Variants in RAD51B observed in about 807,000 individuals in gnomAD.
RAD51B encodes RAD51 paralog B.
In RAD51B, 38 loss-of-function variants were observed where a neutral mutation model predicts 42.2. The ratio of observed to expected loss-of-function variants is 0.90; its 90% CI spans 0.70 to 1.18. The LOEUF (loss-of-function observed/expected upper bound fraction) is 1.18, where lower values mean the gene tolerates loss of function less well. RAD51B is among the 50% of genes most tolerant of loss of function. The probability of loss-of-function intolerance (pLI) is 0.00; values close to 1 mark genes in which losing one functional copy is unlikely to be tolerated. For missense variants in RAD51B, 373 were observed against 400.7 expected (o/e 0.93, Z 0.59); for synonymous variants, 154 against 145.2 (o/e 1.06, Z -0.43).
chr14:68,229,128 ATC>A (rs1024602521), intron 7 of RAD51B, among the ~76,000 whole-genome samples: 2 of 152,234 alleles, frequency 1.3e-5, no homozygotes, highest in Non-Finnish European at 2.9e-5. Flanking sequence ...CTAGCTTCAT[ATC>A]TATGAAAATT....
intron 10 of RAD51B, among the ~76,000 whole-genome samples, chr14:68,629,512 G>T (rs1223527881): frequency 1.3e-5 from 2 of 152,190 alleles, no homozygotes; most frequent in African/African-American, 4.8e-5. Flanking sequence ...TCTTAAAAAG[G>T]AGGTGTTCAT....
intron 7 of RAD51B, among the ~76,000 whole-genome samples, chr14:68,210,311 A>C (rs550040421): frequency 1.2e-3 from 183 of 152,318 alleles, no homozygotes; most frequent in African/African-American, 4.2e-3. Flanking sequence ...CCAGGTAACA[A>C]GGGATTTATT....
intron 9 of RAD51B, among the ~76,000 whole-genome samples, chr14:68,423,140 C>T (rs2084751084): frequency 2.0e-5 from 3 of 152,174 alleles, no homozygotes. Flanking sequence ...TCCCACTGCC[C>T]ATTTTCTGAA....
At chr14:67,839,563 C>T (rs1377718543) in intron 4 of RAD51B, among the ~76,000 whole-genome samples, 1 of 151,574 alleles carries the variant, frequency 6.6e-6, no homozygotes, top group African/African-American at 2.4e-5. Context: ...TTATTTCTCC[C>T]TCTCTTTTAA....
chr14:68,550,380 G>A (rs758044256), intron 10 of RAD51B, among the ~76,000 whole-genome samples: 5 of 152,210 alleles, frequency 3.3e-5, no homozygotes, highest in African/African-American at 9.6e-5. Context: ...GCATTGCAGC[G>A]AAACGTCATT....
At chr14:68,100,532 T>G (rs559698109) in intron 7 of RAD51B, among the ~76,000 whole-genome samples, 1 of 152,202 alleles carries the variant, frequency 6.6e-6, no homozygotes, top group African/African-American at 2.4e-5. Flanking sequence ...TACGGCCTGG[T>G]CTAGTGTGCA....
intron 10 of RAD51B, among the ~76,000 whole-genome samples, chr14:68,568,502 T>C (rs969141984): frequency 2.0e-5 from 3 of 152,342 alleles, no homozygotes; most frequent in Admixed American, 1.3e-4. Flanking sequence ...CTGCACTTAC[T>C]GCTTCTGGAA....
At chr14:68,640,724 T>C (rs1319089512) in intron 10 of RAD51B, among the ~76,000 whole-genome samples, 1 of 152,210 alleles carries the variant, frequency 6.6e-6, no homozygotes, top group Non-Finnish European at 1.5e-5. Context: ...GGCTGAAGTA[T>C]TCCACAACTA....
At chr14:68,001,221 A>G (rs888574857) in intron 7 of RAD51B, among the ~76,000 whole-genome samples, 1 of 152,112 alleles carries the variant, frequency 6.6e-6, no homozygotes, top group Non-Finnish European at 1.5e-5. Flanking sequence ...AAACTATCGT[A>G]TATTTTCTAT....
In RAD51B at chr14:68,027,286, C is replaced by T. The variant is rs1328707799; in HGVS notation, c.756+140082C>T. On this transcript the variant is annotated intron_variant, in intron 7 of 10. Transcript: ENST00000471583. ...CTGCCTTTACAATTTTTGTCTTTTA[C>T]ATTGACTTTGGTGAATCTGATGTCT... 2.6e-5 allele frequency among the ~76,000 whole-genome samples: 4 copies of T among 152,044 alleles called. No individual in the cohort carries two copies. In the East Asian group the frequency reaches 7.7e-4, roughly 29 times the overall value.
In RAD51B at chr14:68,333,460, C is replaced by T. The variant is rs73272300; in HGVS notation, c.853+41480C>T. ...CTAATGGAAGACGAAACTGGTAAAG[C>T]CACTTTGAAGAACTATCTGGCAGCC... On this transcript the variant is annotated intron_variant, in intron 8 of 10. Transcript: ENST00000471583. Among the ~76,000 whole-genome samples, 1,230 of 152,282 alleles carry T rather than the reference C, an allele frequency of 8.1e-3. 13 individuals are homozygous for T. Among genetic ancestry groups the T allele is most frequent in the African/African-American group, 0.029 (1,193 of 41,546 alleles).
At chr14:68,409,151 T>C (rs1048417900) in intron 8 of RAD51B, among the ~76,000 whole-genome samples, 2 of 152,170 alleles carry the variant, frequency 1.3e-5, no homozygotes, top group Admixed American at 6.5e-5. Flanking sequence ...ACACTTGAAA[T>C]TGGAGGAGGT....
chr14:67,893,521 A>ACAG (rs1168803741), intron 7 of RAD51B, among the ~76,000 whole-genome samples: 1 of 144,298 alleles, frequency 6.9e-6, no homozygotes, highest in Admixed American at 6.9e-5. Context: ...AAAAAAAACA[A>ACAG]TTAGCTGGGT....
chr14:68,233,315 C>T (rs2080183088), intron 7 of RAD51B, among the ~76,000 whole-genome samples: 1 of 152,156 alleles, frequency 6.6e-6, no homozygotes, highest in African/African-American at 2.4e-5. Flanking sequence ...ATTCACAGGA[C>T]TGAAATGTCA....
At chr14:67,963,808 C>T (rs1199903687) in intron 7 of RAD51B, among the ~76,000 whole-genome samples, 3 of 151,904 alleles carry the variant, frequency 2.0e-5, no homozygotes, top group African/African-American at 7.3e-5. Flanking sequence ...CATTTTACCA[C>T]CAAAAATTAG....
chr14:68,315,744 C>T lies in RAD51B; in HGVS notation c.853+23764C>T, dbSNP rs146594807. Among the ~76,000 whole-genome samples the T allele has an allele frequency of 5.3e-5, 8 of 152,168 alleles. No homozygotes were observed. In the East Asian group the frequency reaches 1.5e-3, roughly 29 times the overall value. On this transcript the variant is annotated intron_variant, in intron 8 of 10. Coordinates refer to ENST00000471583, the MANE Select transcript of RAD51B (RefSeq NM_133510.4). Reference sequence around the variant, plus strand: ...TCACCATGTTAGCCAGGATAGTCTCCATCTCCTGACCTCATGATCTGCCCG... The same window carrying T: ...TCACCATGTTAGCCAGGATAGTCTCTATCTCCTGACCTCATGATCTGCCCG...
rs533648377 is a variant in RAD51B, at chr14:67,980,821, A to G, written c.756+93617A>G. 3.0e-4 allele frequency among the ~76,000 whole-genome samples: 45 copies of G among 152,302 alleles called. No homozygotes were observed. The South Asian group carries it at 7.7e-3, about 26-fold the overall frequency. ...GGGAGAAAGTCTTTGTTATCTTGAG[A>G]TAGGAAAAGATTTCTTCTATATGCC... On this transcript the variant is annotated intron_variant, in intron 7 of 10. Transcript: ENST00000471583.
At chr14:68,064,491 C>T (rs2140449613) in intron 7 of RAD51B, among the ~76,000 whole-genome samples, 1 of 152,264 alleles carries the variant, frequency 6.6e-6, no homozygotes, top group African/African-American at 2.4e-5. Flanking sequence ...GTCTATATCT[C>T]TCCCAAGACT....
Position 68,391,640 on chromosome 14 carries a change from A to ATT in RAD51B, c.854-19775_854-19774dup, listed in dbSNP as rs11414301. Among the ~76,000 whole-genome samples, 254 of 149,754 alleles carry ATT rather than the reference A, an allele frequency of 1.7e-3. 5 individuals are homozygous for ATT. In the East Asian group the frequency reaches 0.026, roughly 15 times the overall value. ...GGAGATAAATAATAACATTATACCC[A>ATT]TTTTTTTTTTATCATGAAGCCTTTG... On this transcript the variant is annotated intron_variant, in intron 8 of 10. Transcript: ENST00000471583.
Sources: allele counts gnomAD v4.1 joint callset (sites outside exome capture counted in the v4.1 genomes callset), GRCh38; gene constraint gnomAD v4.1.1; transcripts MANE v1.5; gene names NCBI Gene and HGNC (gene_info 2026-07-23, HGNC 2026-07-21).